VPS41: variants seen among roughly 807,000 people sequenced by gnomAD.
The protein encoded by VPS41 is vacuolar protein sorting-associated protein 41 homolog.
In VPS41, 85 loss-of-function variants were observed where a neutral mutation model predicts 130.9. The ratio of observed to expected loss-of-function variants is 0.65; its 90% confidence interval spans 0.55 to 0.78. The LOEUF (loss-of-function observed/expected upper bound fraction) is 0.78, where lower values mean the gene tolerates loss of function less well. VPS41 is among the 30% of genes least tolerant of loss of function. The pLI is 0.00. For synonymous variants in VPS41, 335 were observed against 332.9 expected, an observed-to-expected ratio of 1.01 and a Z score of -0.07; for missense variants, 874 against 1,018.7, an observed-to-expected ratio of 0.86 and a Z score of 1.93.
At chr7:38,726,397 T>A in intron 28 of VPS41, 71 bp from the exon 29 acceptor site, 1 of 1,207,494 alleles carries the variant, frequency 8.3e-7, no homozygotes, top group Non-Finnish European at 1.2e-6. Context: ...TCAGAAACAC[T>A]AAGGTAGCGT....
intron 2 of VPS41, among the ~76,000 whole-genome samples, chr7:38,875,679 G>C (rs1786477141): frequency 6.6e-6 from 1 of 152,110 alleles, no homozygotes; most frequent in Non-Finnish European, 1.5e-5. Context: ...CTGCCTCAAT[G>C]ACCAAACTTT....
chr7:38,731,994 T>G (rs1795672621), intron 25 of VPS41, among the ~76,000 whole-genome samples: 1 of 152,194 alleles, frequency 6.6e-6, no homozygotes, highest in Non-Finnish European at 1.5e-5. Context: ...AATATACAGC[T>G]GGCTGGGGCT....
intron 7 of VPS41, among the ~76,000 whole-genome samples, chr7:38,799,515 A>C (rs1027529130): frequency 6.6e-6 from 1 of 152,180 alleles, no homozygotes; most frequent in African/African-American, 2.4e-5. Context: ...ACATGTCGCT[A>C]CACAACAAAA....
At chr7:38,777,420 A>T (rs542138673) in intron 10 of VPS41, among the ~76,000 whole-genome samples, 56 of 152,244 alleles carry the variant, frequency 3.7e-4, no homozygotes, top group Non-Finnish European at 7.3e-4. Context: ...TCACTTAAGA[A>T]GTATGTGACT....
At chr7:38,838,066 C>T (rs1163036432) in intron 4 of VPS41, among the ~76,000 whole-genome samples, 3 of 152,064 alleles carry the variant, frequency 2.0e-5, no homozygotes, top group African/African-American at 7.2e-5. Flanking sequence ...AGTTCCATAA[C>T]ATTTAATAAA....
chr7:38,834,652 C>T lies in VPS41; in HGVS notation c.247-4324G>A, dbSNP rs114235980. On this transcript the variant is annotated intron_variant, in intron 4 of 28. Transcript: ENST00000310301. Reference sequence around the variant, plus strand: ...CATGGTGATGATCTGTTTTACTACACGTTTTATGTAAAGTTACATTTCACA... The same window carrying T: ...CATGGTGATGATCTGTTTTACTACATGTTTTATGTAAAGTTACATTTCACA... Among the ~76,000 whole-genome samples the T allele has an allele frequency of 5.6e-3, 855 of 152,138 alleles. 11 individuals are homozygous for T. Among genetic ancestry groups the T allele is most frequent in the African/African-American group, 0.02 (810 of 41,520 alleles).
intron 16 of VPS41, among the ~76,000 whole-genome samples, chr7:38,764,275 C>A (rs1783982337): frequency 1.3e-5 from 2 of 152,146 alleles, no homozygotes; most frequent in South Asian, 2.1e-4. Context: ...AAGAGAGGGG[C>A]AGGACATCTG....
intron 10 of VPS41, among the ~76,000 whole-genome samples, chr7:38,786,764 CCA>C (rs1217176048): frequency 2.0e-5 from 3 of 152,088 alleles, no homozygotes; most frequent in Admixed American, 2.0e-4. Context: ...TTGAAGAATG[CCA>C]GCTGTCATCA....
intron 15 of VPS41, 49 bp from the exon 16 acceptor site, chr7:38,765,710 C>CA: frequency 1.6e-6 from 2 of 1,228,336 alleles, no homozygotes; most frequent in African/African-American, 1.5e-5. Flanking sequence ...ATTAAAAAAA[C>CA]AAAAAACAAA....
intron 7 of VPS41, among the ~76,000 whole-genome samples, chr7:38,811,720 T>A (rs575633859): frequency 2.6e-5 from 4 of 151,976 alleles, no homozygotes; most frequent in African/African-American, 9.6e-5. Flanking sequence ...TAGGGTGCTT[T>A]GATTGTACTG....
intron 7 of VPS41, among the ~76,000 whole-genome samples, chr7:38,805,642 A>T (rs953280494): frequency 6.6e-6 from 1 of 152,156 alleles, no homozygotes; most frequent in African/African-American, 2.4e-5. Flanking sequence ...AAGCATTATA[A>T]TCCACTTTCT....
At chr7:38,804,398 C>A (rs1213628825) in intron 7 of VPS41, among the ~76,000 whole-genome samples, 1 of 152,174 alleles carries the variant, frequency 6.6e-6, no homozygotes, top group Non-Finnish European at 1.5e-5. Flanking sequence ...GTGTTCTCAT[C>A]ATTTAGCTCC....
intron 2 of VPS41, among the ~76,000 whole-genome samples, chr7:38,873,757 A>G (rs1786426353): frequency 6.6e-6 from 1 of 152,224 alleles, no homozygotes; most frequent in Non-Finnish European, 1.5e-5. Flanking sequence ...CTAAGTGTAG[A>G]GCACTTTTAA....
At chr7:38,868,847 T>C (rs572653907) in intron 3 of VPS41, among the ~76,000 whole-genome samples, 1 of 151,990 alleles carries the variant, frequency 6.6e-6, no homozygotes, top group African/African-American at 2.4e-5. Context: ...TGAATCCTTA[T>C]AATTTGAGGA....
Position 38,869,189 on chromosome 7 carries a change from A to T in VPS41, c.125T>A (p.Ile42Lys). Reference protein sequence around the residue: ...YERLSNGVTEILQKDAASCMT... With the variant: ...YERLSNGVTEKLQKDAASCMT... Reference sequence around the variant, plus strand: ...GCAGCTAGCTGCATCCTTCTGAAGTATTTCAGTTACCCCATTGGAAAGCCT... The same window carrying T: ...GCAGCTAGCTGCATCCTTCTGAAGTTTTTCAGTTACCCCATTGGAAAGCCT... The change falls in exon 3 of 29, where the codon ATA becomes AAA. Residue 42 changes from isoleucine to lysine, a missense_variant. Physicochemically the swap from Ile to Lys is moderately radical, Grantham distance 102. Transcript: ENST00000310301. 6.2e-7 allele frequency: 1 copy of T among 1,612,184 alleles called. No individual in the cohort carries two copies. Among genetic ancestry groups the T allele is most frequent in the Non-Finnish European group, 8.5e-7 (1 of 1,178,764 alleles).
chr7:38,877,742 A>C (rs1323944931), intron 2 of VPS41, among the ~76,000 whole-genome samples: 1 of 152,232 alleles, frequency 6.6e-6, no homozygotes, highest in Non-Finnish European at 1.5e-5. Context: ...GTAAGCATTA[A>C]AATGATTACC....
intron 2 of VPS41, among the ~76,000 whole-genome samples, chr7:38,882,919 C>A (rs114938163): frequency 0.019 from 2,831 of 152,268 alleles, 95 homozygotes; most frequent in African/African-American, 0.064. Flanking sequence ...AAAACAAAGA[C>A]TCTCCAATGC....
chr7:38,906,128 TA>T (rs1193966867), intron 1 of VPS41, among the ~76,000 whole-genome samples: 1 of 152,034 alleles, frequency 6.6e-6, no homozygotes, highest in Admixed American at 6.6e-5. Flanking sequence ...CTTTTAGCTT[TA>T]AAAAAATGGT....
chr7:38,782,157 C>A (rs559232800), intron 10 of VPS41, among the ~76,000 whole-genome samples: 1 of 152,314 alleles, frequency 6.6e-6, no homozygotes, highest in South Asian at 2.1e-4. Flanking sequence ...CTGCTCCCAG[C>A]AGTGTCTCCT....
Sources: gnomAD v4.1 joint callset for allele counts (sites outside exome capture counted in the v4.1 genomes callset) on GRCh38, gnomAD v4.1.1 for gene constraint, MANE v1.5 for transcripts, NCBI Gene and HGNC (gene_info 2026-07-23, HGNC 2026-07-21) for gene names.